GLI3: variants seen among roughly 807,000 people sequenced by gnomAD.
GLI3 encodes GLI family zinc finger 3, also known as transcription activator GLI3.
GLI3 carries 20 observed loss-of-function variants against 100.8 expected under a neutral mutation model. That is an observed-to-expected ratio of 0.20 (90% CI 0.14 to 0.29). The LOEUF is 0.29. Ranked by LOEUF, GLI3 falls within the 10% of genes least tolerant of loss-of-function variation. GLI3 has a pLI of 1.00. For synonymous variants in GLI3, 938 were observed against 860.5 expected, an observed-to-expected ratio of 1.09 and a Z score of -1.58; for missense variants, 2,040 against 2,128.5, an observed-to-expected ratio of 0.96 and a Z score of 0.82.
Position 42,045,563 on chromosome 7 carries a change from C to A in GLI3, c.680-33G>T, listed in dbSNP as rs756003754. On this transcript the variant is annotated intron_variant, in intron 5 of 14. Coordinates refer to ENST00000395925, the MANE Select transcript of GLI3 (RefSeq NM_000168.6). ...GAGACAAGAGATGTATGGTTACTAG[C>A]GAAAGAAGGTCAACTAGAAGTTTCT... 7.5e-6 allele frequency: 12 copies of A among 1,609,360 alleles called. No individual in the cohort carries two copies. In the South Asian group the frequency reaches 1.2e-4, roughly 16 times the overall value.
chr7:42,211,269 A>G (rs1051113384), intron 2 of GLI3, among the ~76,000 whole-genome samples: 1 of 152,200 alleles, frequency 6.6e-6, no homozygotes, highest in Non-Finnish European at 1.5e-5. Context: ...AGGTAAATAA[A>G]TGTGAGATTA....
rs1249427950 is a variant in GLI3, at chr7:42,023,174, T to C, written c.1497+294A>G. 2.6e-5 allele frequency among the ~76,000 whole-genome samples: 4 copies of C among 152,342 alleles called. No individual in the cohort carries two copies. The East Asian group carries it at 7.7e-4, about 29-fold the overall frequency. On this transcript the variant is annotated intron_variant, in intron 10 of 14. Transcript: ENST00000395925. The stretch of plus-strand genomic sequence containing the variant: ...ATCATAATTCATGTCCAGCTTACTA[T>C]TACTCAATAACCATCAAAGTCGCTA...
At chr7:42,142,122 T>C (rs1786583113) in intron 3 of GLI3, among the ~76,000 whole-genome samples, 1 of 152,206 alleles carries the variant, frequency 6.6e-6, no homozygotes, top group South Asian at 2.1e-4. Flanking sequence ...TACTCAAGTG[T>C]CCACGGTAGG....
chr7:42,234,905 T>G (rs1363630705), intron 1 of GLI3, among the ~76,000 whole-genome samples: 1 of 152,226 alleles, frequency 6.6e-6, no homozygotes, highest in East Asian at 1.9e-4. Context: ...TTAAATGTTA[T>G]TTCATGTTTG....
chr7:42,066,141 A>G (rs1323892106), intron 4 of GLI3, among the ~76,000 whole-genome samples: 1 of 152,150 alleles, frequency 6.6e-6, no homozygotes, highest in African/African-American at 2.4e-5. Flanking sequence ...ATGGGAAGAA[A>G]GCAAAATAAA....
At chr7:42,101,053 G>C (rs1415551571) in intron 3 of GLI3, among the ~76,000 whole-genome samples, 1 of 152,064 alleles carries the variant, frequency 6.6e-6, no homozygotes, top group African/African-American at 2.4e-5. Flanking sequence ...ATTTTGTTTT[G>C]GGAAGGCCGC....
intron 2 of GLI3, among the ~76,000 whole-genome samples, chr7:42,150,634 A>G (rs531603929): frequency 4.3e-4 from 65 of 152,324 alleles, no homozygotes; most frequent in African/African-American, 1.5e-3. Flanking sequence ...GCTCTGACAC[A>G]TAATTAGCAT....
intron 3 of GLI3, among the ~76,000 whole-genome samples, chr7:42,111,126 A>G (rs1785696426): frequency 6.6e-6 from 1 of 152,230 alleles, no homozygotes; most frequent in Admixed American, 6.5e-5. Flanking sequence ...GGCTGAAATA[A>G]ATAATAAGTA....
At chr7:41,980,921 C>T (rs1026353060) in intron 10 of GLI3, among the ~76,000 whole-genome samples, 1 of 152,124 alleles carries the variant, frequency 6.6e-6, no homozygotes, top group South Asian at 2.1e-4. Flanking sequence ...TATACAATTA[C>T]AGTTGTGATA....
intron 3 of GLI3, among the ~76,000 whole-genome samples, chr7:42,135,973 G>A (rs1181999285): frequency 6.6e-6 from 1 of 152,172 alleles, no homozygotes; most frequent in Non-Finnish European, 1.5e-5. Flanking sequence ...CTCCTCCCCT[G>A]GGTGGGGCAG....
chr7:42,262,014 C>T lies in GLI3; in HGVS notation c.-43+1980G>A, dbSNP rs185127312. ...TTTCTTTCTTTCTTTTCTTTCTTTC[C>T]TTCCTCTCTCTCTCTCTTTCTTTCT... On this transcript the variant is annotated intron_variant, in intron 1 of 2. Coordinates refer to the GLI3 transcript ENST00000678978. 6.0e-4 allele frequency among the ~76,000 whole-genome samples: 77 copies of T among 129,240 alleles called. 1 individual carries two copies. Among genetic ancestry groups the T allele is most frequent in the African/African-American group, 2.1e-3 (75 of 36,214 alleles). The allele number at this position is 129,240 out of a possible 152,430, so 84.8% of individuals were successfully genotyped here. A position where few individuals can be genotyped will look rare whatever the true frequency, so the allele number is the denominator to read the frequency against.
At chr7:42,049,785 C>T (rs1784316665) in intron 4 of GLI3, among the ~76,000 whole-genome samples, 1 of 152,176 alleles carries the variant, frequency 6.6e-6, no homozygotes, top group Admixed American at 6.5e-5. Flanking sequence ...AATCAGGGAA[C>T]TGGCTCTGAC....
chr7:42,254,159 C>T (rs1789061764), intron 1 of GLI3, among the ~76,000 whole-genome samples: 1 of 146,594 alleles, frequency 6.8e-6, no homozygotes, highest in South Asian at 2.1e-4. Context: ...GTGGAGGTTG[C>T]AGTGAGCCGA....
chr7:42,239,676 G>C (rs974893582), upstream of GLI3, among the ~76,000 whole-genome samples: 1 of 152,148 alleles, frequency 6.6e-6, no homozygotes, highest in African/African-American at 2.4e-5. Context: ...TGAAGATCTT[G>C]ATTTTTCAGT....
intron 3 of GLI3, among the ~76,000 whole-genome samples, chr7:42,094,496 G>A (rs971424146): frequency 6.6e-6 from 1 of 152,068 alleles, no homozygotes; most frequent in Admixed American, 6.5e-5. Flanking sequence ...AGCACTTTGG[G>A]AGGCTGAGGC....
At chr7:42,146,965 T>A (rs997994061) in intron 3 of GLI3, among the ~76,000 whole-genome samples, 5 of 152,212 alleles carry the variant, frequency 3.3e-5, no homozygotes, top group African/African-American at 1.2e-4. Flanking sequence ...CAAGCACTTT[T>A]GAAACAGAGA....
At chr7:42,149,281 AT>A (rs1420442501) in intron 2 of GLI3, among the ~76,000 whole-genome samples, 1 of 152,224 alleles carries the variant, frequency 6.6e-6, no homozygotes, top group Non-Finnish European at 1.5e-5. Flanking sequence ...GGGTCCATAC[AT>A]TTCTTCAAAC....
rs140306291 is a variant in GLI3, at chr7:41,973,582, C to T, written c.1813-955G>A. On this transcript the variant is annotated intron_variant, in intron 12 of 14. Coordinates refer to ENST00000395925, the MANE Select transcript of GLI3 (RefSeq NM_000168.6). ...TTCACTTGGCTTAAAATATAATATA[C>T]GCAAGAATGCTTTCATGAATATATA... Among the ~76,000 whole-genome samples the T allele has an allele frequency of 1.5e-3, 221 of 152,220 alleles. 3 individuals carry two copies. In the East Asian group the frequency reaches 0.027, roughly 19 times the overall value.
At chr7:42,109,254 C>T (rs187766579) in intron 3 of GLI3, among the ~76,000 whole-genome samples, 60 of 152,276 alleles carry the variant, frequency 3.9e-4, no homozygotes, top group Non-Finnish European at 7.5e-4. Flanking sequence ...CATCCATGAA[C>T]AAATCTGCGG....
Sources: allele counts gnomAD v4.1 joint callset (sites outside exome capture counted in the v4.1 genomes callset), GRCh38; gene constraint gnomAD v4.1.1; transcripts MANE v1.5; gene names NCBI Gene and HGNC (gene_info 2026-07-23, HGNC 2026-07-21).